The following B4GALNT2 variants were observed in gnomAD, a reference collection of about 807,000 sequenced individuals.
B4GALNT2 encodes the protein N-acetylneuraminylgalactosylglucosyl-glucoside beta-1,4-N- acetylgalactosaminyltransferase 2.
In B4GALNT2, 42 loss-of-function variants were observed where a neutral mutation model predicts 51.1. That is an observed-to-expected ratio of 0.82 (90% CI 0.64 to 1.06). The LOEUF is 1.06. B4GALNT2 is among the 50% of genes least tolerant of loss of function. The pLI is 0.00. For synonymous variants in B4GALNT2, 253 were observed against 251.7 expected, an observed-to-expected ratio of 1.01 and a Z score of -0.05; for missense variants, 602 against 633.6, an observed-to-expected ratio of 0.95 and a Z score of 0.54.
In B4GALNT2 at chr17:49,141,599, G is replaced by C. The variant is rs559393848; in HGVS notation, c.215+152G>C. The C allele has an allele frequency of 6.1e-6, 5 of 823,128 alleles. No homozygotes were observed. In the Admixed American group the frequency reaches 1.3e-4, roughly 21 times the overall value. The allele number at this position is 823,128 out of a possible 1,614,324, so 51.0% of individuals were successfully genotyped here. On this transcript the variant is annotated intron_variant, in intron 2 of 10. Transcript: ENST00000393354. ...CACAAGTGACTGCAAGCCAGGATGG[G>C]GCTTGGTCTGTACGATCCAGTCTAT...
upstream of B4GALNT2, among the ~76,000 whole-genome samples, chr17:49,129,093 A>G (rs1294537636): frequency 6.6e-6 from 1 of 152,120 alleles, no homozygotes; most frequent in African/African-American, 2.4e-5. Flanking sequence ...AGTTAGCTGG[A>G]TTAGTGTCTG....
At chr17:49,146,377 C>A (rs552800194) in intron 3 of B4GALNT2, among the ~76,000 whole-genome samples, 12 of 152,208 alleles carry the variant, frequency 7.9e-5, no homozygotes, top group Admixed American at 5.2e-4. Context: ...ATGGCACGAT[C>A]TCAGCTAACT....
At chr17:49,132,944 C>T (rs1360312507) in intron 1 of B4GALNT2, 138 bp downstream of exon 1, 2 of 1,392,392 alleles carry the variant, frequency 1.4e-6, no homozygotes, top group East Asian at 6.1e-5. Context: ...CGGTTGGAGT[C>T]TTAAGTCCAA....
Position 49,171,716 on chromosome 17 carries a change from G to T in B4GALNT2, c.*1988G>T. 1 of 401,828 alleles carries T rather than the reference G, an allele frequency of 2.5e-6. No individual in the cohort carries two copies. The highest frequency in any genetic ancestry group is 7.3e-5 in the East Asian group (1 of 13,648). 24.9% of individuals were successfully genotyped at this position (401,828 alleles called of 1,614,324 possible). On this transcript the variant is annotated 3_prime_UTR_variant, in exon 11 of 11. Coordinates refer to ENST00000393354, the MANE Select transcript of B4GALNT2 (RefSeq NM_001159387.2). ...ACACAGACTGAGAGGTGTAATTTAA[G>T]CTAAACATCCCCTTAGGGGACCAAT...
chr17:49,140,199 C>G (rs2042629298), intron 1 of B4GALNT2, among the ~76,000 whole-genome samples: 3 of 151,798 alleles, frequency 2.0e-5, no homozygotes, highest in Admixed American at 2.0e-4. Context: ...CTCCCAGGTT[C>G]ACACCATTCT....
chr17:49,133,276 G>A, intron 1 of B4GALNT2: 1 of 1,435,708 alleles, frequency 7.0e-7, no homozygotes, highest in South Asian at 1.5e-5. Context: ...GGAGCCCGGC[G>A]GCTTGGTCTC....
At chr17:49,162,912 C>CAA (rs34568226) in intron 7 of B4GALNT2, among the ~76,000 whole-genome samples, 4,673 of 53,590 alleles carry the variant, frequency 0.087, 520 homozygotes, top group South Asian at 0.17. Flanking sequence ...GAAACTGTCT[C>CAA]AAAAAAAAAA....
rs146443714 is a variant in B4GALNT2, at chr17:49,132,804, C to G, written c.12C>G (p.Gly4=). The G allele has an allele frequency of 7.3e-7, 1 of 1,375,534 alleles. No homozygotes were observed. The highest frequency in any genetic ancestry group is 1.5e-5 in the African/African-American group (1 of 65,322). 85.2% of individuals were successfully genotyped at this position (1,375,534 alleles called of 1,614,324 possible). A position where few individuals can be genotyped will look rare whatever the true frequency, so the allele number is the denominator to read the frequency against. The part of the protein sequence containing the change: MTS[G]GSRFLWLLKI... ...CGGCGGGATTCGGGATGACTTCGGG[C>G]GGGTGAGTGTCCCCGGGGCAGAGCA... Residue 4 remains glycine, a splice_region_variant and synonymous_variant, in exon 1 of 11, where the codon GGC becomes GGG. Transcript: ENST00000393354.
chr17:49,137,483 G>C (rs2042601495), intron 1 of B4GALNT2, among the ~76,000 whole-genome samples: 1 of 152,118 alleles, frequency 6.6e-6, no homozygotes, highest in African/African-American at 2.4e-5. Flanking sequence ...AAGGTCCCCA[G>C]ATGTGGCCCC....
intron 1 of B4GALNT2, among the ~76,000 whole-genome samples, chr17:49,138,889 A>ACAAAC (rs764178940): frequency 2.0e-5 from 3 of 152,164 alleles, no homozygotes; most frequent in Non-Finnish European, 4.4e-5. Context: ...ACAAAACAAA[A>ACAAAC]CAAACAACAA....
chr17:49,143,220 A>G (rs9897836), intron 3 of B4GALNT2, among the ~76,000 whole-genome samples: 83,024 of 151,802 alleles, frequency 0.55, 23,195 homozygotes, highest in East Asian at 0.66. Flanking sequence ...CTGCCCTCCA[A>G]CCTGAGCAAC....
chr17:49,126,054 G>C, the B4GALNT2 span, among the ~76,000 whole-genome samples: 1 of 152,116 alleles, frequency 6.6e-6, no homozygotes, highest in Non-Finnish European at 1.5e-5. Context: ...TTGTGGAATA[G>C]AAAGGGGGGA....
At chr17:49,168,366 C>T (rs1273332882) in intron 9 of B4GALNT2, among the ~76,000 whole-genome samples, 1 of 152,202 alleles carries the variant, frequency 6.6e-6, no homozygotes, top group Non-Finnish European at 1.5e-5. Flanking sequence ...TACTGCAGTA[C>T]TCCTCTCCCA....
At position 49,171,499 on chromosome 17, in the gene B4GALNT2, T is replaced by TATTCTTTCCCA; in HGVS notation, c.*1771_*1772insATTCTTTCCCA. The TATTCTTTCCCA allele has an allele frequency of 5.1e-6, 2 of 392,602 alleles. No individual in the cohort carries two copies. The highest frequency in any genetic ancestry group is 3.8e-5 in the South Asian group (2 of 52,568). 24.3% of individuals were successfully genotyped at this position (392,602 alleles called of 1,614,324 possible). A position where few individuals can be genotyped will look rare whatever the true frequency, so the allele number is the denominator to read the frequency against. On this transcript the variant is annotated 3_prime_UTR_variant, in exon 11 of 11. Coordinates refer to ENST00000393354, the MANE Select transcript of B4GALNT2 (RefSeq NM_001159387.2). ...TGCTTTTTTATTCTTTCCCAAATTT[T>TATTCTTTCCCA]GATCTTATTAACAGACATTAATAGT...
chr17:49,124,196 A>G, the B4GALNT2 span, among the ~76,000 whole-genome samples: 1 of 152,262 alleles, frequency 6.6e-6, no homozygotes, highest in Admixed American at 6.5e-5. Context: ...TCAGTCTCCT[A>G]TTAGTTCAGT....
Position 49,141,641 on chromosome 17 carries a change from A to G in B4GALNT2, c.215+194A>G, listed in dbSNP as rs2042645253. On this transcript the variant is annotated intron_variant, in intron 2 of 10. Transcript: ENST00000393354. ...CCAGTCTATGTTCTCTATAGCATCC[A>G]GCAAAATCCCTTAAAACTTTCGAGA... 2.0e-5 allele frequency among the ~76,000 whole-genome samples: 3 copies of G among 152,218 alleles called. No individual in the cohort carries two copies. In the East Asian group the frequency reaches 5.8e-4, roughly 29 times the overall value.
At chr17:49,126,713 T>C in the B4GALNT2 span, among the ~76,000 whole-genome samples, 9 of 150,314 alleles carry the variant, frequency 6.0e-5, no homozygotes, top group Middle Eastern at 0.01. Flanking sequence ...GTACGTTGGT[T>C]ATATTGGTGC....
At chr17:49,153,405 A>T (rs1249621493) in intron 4 of B4GALNT2, among the ~76,000 whole-genome samples, 1 of 152,140 alleles carries the variant, frequency 6.6e-6, no homozygotes, top group African/African-American at 2.4e-5. Flanking sequence ...ACAAAGTGAG[A>T]TCCTGTCTCA....
chr17:49,152,215 A>G (rs1357377495), intron 3 of B4GALNT2, among the ~76,000 whole-genome samples: 1 of 151,948 alleles, frequency 6.6e-6, no homozygotes, highest in Non-Finnish European at 1.5e-5. Flanking sequence ...TATCTCTACA[A>G]AAAAATTTTA....
Sources: gnomAD v4.1 joint callset for allele counts (sites outside exome capture counted in the v4.1 genomes callset) on GRCh38, gnomAD v4.1.1 for gene constraint, MANE v1.5 for transcripts, NCBI Gene and HGNC (gene_info 2026-07-23, HGNC 2026-07-21) for gene names.